Variants in TMEM67 observed in about 807,000 individuals in gnomAD.
TMEM67 encodes the protein meckelin.
Under a neutral mutation model 136.6 loss-of-function variants are expected in TMEM67, and 124 were observed. That is an observed-to-expected ratio of 0.91 (90% CI 0.78 to 1.05). The LOEUF is 1.05. Ranked by LOEUF, TMEM67 falls within the 50% of genes least tolerant of loss-of-function variation. The probability of loss-of-function intolerance (pLI) is 0.00; values close to 1 mark genes in which losing one functional copy is unlikely to be tolerated. For synonymous variants in TMEM67, 364 were observed against 390.5 expected (o/e 0.93, Z 0.80); for missense variants, 1,107 against 1,178.4 (o/e 0.94, Z 0.89).
chr8:93,815,320 TCAG>T lies in TMEM67; in HGVS notation c.2784_2786del (p.Ser929del). On this transcript the variant is annotated inframe_deletion, in exon 27 of 28. Transcript: ENST00000453321. ...TTTTTAATAGATGAAGGTTATTCTT[TCAG>T]CAGTGTCCTGTATTATGGAAATGAA... 1 of 1,581,480 alleles carries T rather than the reference TCAG, an allele frequency of 6.3e-7. No homozygotes were observed. The highest frequency in any genetic ancestry group is 8.6e-7 in the Non-Finnish European group (1 of 1,160,420).
chr8:93,783,939 A>G (rs1048609067), intron 11 of TMEM67, among the ~76,000 whole-genome samples: 10 of 152,194 alleles, frequency 6.6e-5, no homozygotes, highest in African/African-American at 1.2e-4. Context: ...ACAGTTCAAG[A>G]TGAGATTTGG....
At chr8:93,809,703 T>C in intron 25 of TMEM67, 82 bp from the exon 26 acceptor site, 2 of 828,850 alleles carry the variant, frequency 2.4e-6, no homozygotes, top group South Asian at 1.5e-5. Flanking sequence ...TTTTTCATTT[T>C]CTCTCCTGCT....
intron 3 of TMEM67, chr8:93,759,783 G>T: frequency 2.7e-6 from 1 of 370,138 alleles, no homozygotes; most frequent in Non-Finnish European, 5.0e-6. Flanking sequence ...CGAGTAGTTG[G>T]GATTATAGGC....
rs1563680686 is a variant in TMEM67, at chr8:93,765,567, T to C, written c.577-5T>C. 5 of 1,611,274 alleles carry C rather than the reference T, an allele frequency of 3.1e-6. No individual in the cohort carries two copies. The highest frequency in any genetic ancestry group is 4.2e-6 in the Non-Finnish European group (5 of 1,177,570). On this transcript the variant is annotated splice_region_variant and splice_polypyrimidine_tract_variant and intron_variant, in intron 5 of 27. Transcript: ENST00000453321. ...TTCTATTTTTTCCCTCATTTATTTA[T>C]GAAGACAGGGGGATTATGTTTCAGC...
At chr8:93,798,816 G>A (rs1285361079) in intron 20 of TMEM67, among the ~76,000 whole-genome samples, 1 of 151,976 alleles carries the variant, frequency 6.6e-6, no homozygotes, top group Non-Finnish European at 1.5e-5. Context: ...TTTCTTAAAT[G>A]GACAGATAAA....
In TMEM67 at chr8:93,765,616, T is replaced by C. The variant is rs1335414891; in HGVS notation, c.621T>C (p.Arg207=). Residue 207 remains arginine (R), a synonymous_variant, in exon 6 of 28, where the codon CGT becomes CGC. Coordinates refer to ENST00000453321, the MANE Select transcript of TMEM67 (RefSeq NM_153704.6). The part of the protein sequence containing the change: ...CFSSTGNFPL[R]RISAARYGEV... ...GCAGCACAGGGAATTTTCCTCTACG[T>C]AGAATTTCAGCTGCACGTTATGGAG... The C allele has an allele frequency of 2.5e-6, 4 of 1,613,416 alleles. No individual in the cohort carries two copies. Among genetic ancestry groups the C allele is most frequent in the Non-Finnish European group, 2.5e-6 (3 of 1,179,326 alleles).
In TMEM67 at chr8:93,786,266, A is replaced by C; in HGVS notation, c.1332A>C (p.Leu444Phe). Residue 444 changes from leucine (L) to phenylalanine (F), a missense_variant, in exon 13 of 28, where the codon TTA becomes TTC. By Grantham distance (22) the Leu-to-Phe change is conservative (BLOSUM62 0). Transcript: ENST00000453321. ...GKWLLTRRIF[L>F]VDAVSGREND... ...GGCTTCTAACTCGGCGCATTTTCTTAGTGGATGCAGTAAGTGGACGAGAAA... is the reference window on the plus strand; with the variant it reads ...GGCTTCTAACTCGGCGCATTTTCTTCGTGGATGCAGTAAGTGGACGAGAAA... The C allele has an allele frequency of 6.2e-7, 1 of 1,614,042 alleles. No individual in the cohort carries two copies. Among genetic ancestry groups the C allele is most frequent in the East Asian group, 2.2e-5 (1 of 44,874 alleles).
At chr8:93,785,910 C>A (rs543390190) in intron 12 of TMEM67, 28 of 333,130 alleles carry the variant, frequency 8.4e-5, no homozygotes, top group African/African-American at 4.5e-4. Flanking sequence ...CTGGTTGCTA[C>A]AAAAAAAAAT....
At chr8:93,787,812 T>G (rs775818969) in intron 13 of TMEM67, 32 bp from the exon 14 acceptor site, 2 of 1,503,036 alleles carry the variant, frequency 1.3e-6, no homozygotes, top group South Asian at 2.2e-5. Flanking sequence ...CCGGATATAC[T>G]GATTACTATA....
In TMEM67 at chr8:93,786,078, A is replaced by C. The variant is rs1003397314; in HGVS notation, c.1289-145A>C. ...AACAGAGTGAGACCCTGTCTAAAAA[A>C]AACAAAAGAAGACATTCACATGAGT... On this transcript the variant is annotated intron_variant, in intron 12 of 27. Transcript: ENST00000453321. 4 of 749,832 alleles carry C rather than the reference A, an allele frequency of 5.3e-6. No homozygotes were observed. The African/African-American group carries it at 7.1e-5, about 13-fold the overall frequency. 46.4% of individuals were successfully genotyped at this position (749,832 alleles called of 1,614,324 possible). A position where few individuals can be genotyped will look rare whatever the true frequency, so the allele number is the denominator to read the frequency against.
chr8:93,775,146 A>G (rs1053895467), intron 7 of TMEM67, among the ~76,000 whole-genome samples: 6 of 152,182 alleles, frequency 3.9e-5, no homozygotes, highest in Non-Finnish European at 8.8e-5. Flanking sequence ...TTGGCTGCAT[A>G]AATGTCTTCT....
intron 13 of TMEM67, 24 bp from the exon 14 acceptor site, chr8:93,787,820 A>T: frequency 6.5e-7 from 1 of 1,538,912 alleles, no homozygotes. Flanking sequence ...ACTGATTACT[A>T]TAAATGCATT....
chr8:93,813,077 T>C (rs1222105097), intron 26 of TMEM67, among the ~76,000 whole-genome samples: 1 of 151,988 alleles, frequency 6.6e-6, no homozygotes, highest in Non-Finnish European at 1.5e-5. Flanking sequence ...CTTTCTTCCT[T>C]CTTCCTGCTT....
Position 93,786,180 on chromosome 8 carries a change from T to C in TMEM67, c.1289-43T>C, listed in dbSNP as rs757300455. 3.1e-6 allele frequency: 5 copies of C among 1,596,658 alleles called. No homozygotes were observed. In the African/African-American group the frequency reaches 6.7e-5, roughly 21 times the overall value. On this transcript the variant is annotated intron_variant, in intron 12 of 27. Coordinates refer to ENST00000453321, the MANE Select transcript of TMEM67 (RefSeq NM_153704.6). ...TCTTATCTAAAACAATAATTTCATG[T>C]TTTAAATTTGTGCAGTAAACTTTTT...
intron 26 of TMEM67, among the ~76,000 whole-genome samples, chr8:93,811,013 C>T (rs1198612680): frequency 6.6e-6 from 1 of 152,172 alleles, no homozygotes; most frequent in Non-Finnish European, 1.5e-5. Context: ...ATAACCAGTG[C>T]CCTGGCCTAG....
intron 14 of TMEM67, among the ~76,000 whole-genome samples, chr8:93,789,654 ATAT>A (rs1814279791): frequency 1.2e-5 from 1 of 86,820 alleles, no homozygotes; most frequent in Admixed American, 1.1e-4. Context: ...TCAAAAAAAT[ATAT>A]ATATATATAT....
rs1281778614 is a variant in TMEM67, at chr8:93,795,448, G to A, written c.1714G>A (p.Ala572Thr). Residue 572 changes from alanine (A) to threonine (T), a missense_variant, in exon 17 of 28, where the codon GCC becomes ACC. Ala to Thr is a moderately conservative substitution (Grantham distance 58). This residue lies in a region of TMEM67 where 925 missense variants were observed against 1,002.4 expected (regional missense o/e 0.92). Coordinates refer to ENST00000453321, the MANE Select transcript of TMEM67 (RefSeq NM_153704.6). ...KFLVYYAGDL[A>T]NVFFIITVGT... ...CTTGGTGTACTATGCTGGTGATCTGGCCAATGTTTTCTTTATCATCACAGT... is the reference window on the plus strand; with the variant it reads ...CTTGGTGTACTATGCTGGTGATCTGACCAATGTTTTCTTTATCATCACAGT... The A allele has an allele frequency of 6.2e-7, 1 of 1,613,818 alleles. No individual in the cohort carries two copies. Among genetic ancestry groups the A allele is most frequent in the Non-Finnish European group, 8.5e-7 (1 of 1,179,984 alleles).
Position 93,782,446 on chromosome 8 carries a change from A to G in TMEM67, c.1117A>G (p.Thr373Ala). 1 of 1,612,704 alleles carries G rather than the reference A, an allele frequency of 6.2e-7. No individual in the cohort carries two copies. Among genetic ancestry groups the G allele is most frequent in the Non-Finnish European group, 8.5e-7 (1 of 1,179,496 alleles). The change falls in exon 11 of 28, where the codon ACC becomes GCC. Residue 373 changes from threonine (T) to alanine (A), a missense_variant. Thr to Ala is a moderately conservative substitution (Grantham distance 58, BLOSUM62 0). Transcript: ENST00000453321. ...AAATGCTGCTTATTCATTTGGAACA[A>G]CCTACCAACAAAATGTAAGTTTGAA... Reference protein sequence around the residue: ...RLNAAYSFGTTYQQNCEIPIS... With the variant: ...RLNAAYSFGTAYQQNCEIPIS...
chr8:93,804,843 A>G lies in TMEM67; in HGVS notation c.2404A>G (p.Met802Val), dbSNP rs751790202. ...RSVHGHADTN[M>V]EEMNMNLKRE... ...AGTACATGGGCATGCAGATACTAAT[A>G]TGGAAGAAATGAATATGAACCTTAA... The change falls in exon 23 of 28, where the codon ATG (methionine) becomes GTG (valine). Residue 802 changes from methionine (M) to valine (V), a missense_variant. By Grantham distance (21) the Met-to-Val change is conservative (BLOSUM62 1). This residue lies in a region of TMEM67 where 925 missense variants were observed against 1,002.4 expected (regional missense o/e 0.92). Transcript: ENST00000453321. 1.9e-6 allele frequency: 3 copies of G among 1,600,798 alleles called. No individual in the cohort carries two copies. Among genetic ancestry groups the G allele is most frequent in the Non-Finnish European group, 2.6e-6 (3 of 1,168,172 alleles).
Sources: allele counts gnomAD v4.1 joint callset (sites outside exome capture counted in the v4.1 genomes callset), GRCh38; gene constraint gnomAD v4.1.1; regional missense constraint gnomAD v4.1.1; transcripts MANE v1.5; gene names NCBI Gene and HGNC (gene_info 2026-07-23, HGNC 2026-07-21).